The following PHYHIPL variants were observed in gnomAD, a reference collection of about 807,000 sequenced individuals.
PHYHIPL encodes phytanoyl-CoA 2-hydroxylase interacting protein like.
PHYHIPL carries 9 observed loss-of-function variants against 33.4 expected under a neutral mutation model. The observed-to-expected ratio is 0.27, with a 90% CI of 0.16 to 0.47. The LOEUF (loss-of-function observed/expected upper bound fraction) is 0.47, where lower values mean the gene tolerates loss of function less well. Among genes scored for constraint, PHYHIPL ranks in the 20% least tolerant of loss-of-function variants. PHYHIPL has a pLI of 0.99. For synonymous variants in PHYHIPL, 153 were observed against 154.1 expected, an observed-to-expected ratio of 0.99 and a Z score of 0.05; for missense variants, 365 against 460.7, an observed-to-expected ratio of 0.79 and a Z score of 1.90.
intron 2 of PHYHIPL, 105 bp from the exon 3 acceptor site, chr10:59,236,378 T>C (rs776439933): frequency 7.2e-6 from 4 of 552,718 alleles, no homozygotes; most frequent in Non-Finnish European, 1.2e-5. Flanking sequence ...TCCCTCCTTC[T>C]CCCTTCCCTC....
intron 1 of PHYHIPL, among the ~76,000 whole-genome samples, chr10:59,185,242 G>A (rs1253815188): frequency 7.9e-5 from 12 of 151,942 alleles, no homozygotes; most frequent in African/African-American, 2.2e-4. Flanking sequence ...CGCCCGCCTC[G>A]GCCTCCCAAA....
chr10:59,235,083 T>C (rs1210154377), intron 2 of PHYHIPL, among the ~76,000 whole-genome samples: 3 of 151,798 alleles, frequency 2.0e-5, no homozygotes, highest in African/African-American at 7.2e-5. Context: ...TTTCTATAAC[T>C]GCCAAACAAG....
chr10:59,230,014 C>T (rs1305455660), intron 1 of PHYHIPL, among the ~76,000 whole-genome samples: 1 of 152,036 alleles, frequency 6.6e-6, no homozygotes, highest in Non-Finnish European at 1.5e-5. Context: ...TTCATAAATT[C>T]ACCACAACAA....
chr10:59,207,044 T>C (rs1200823086), intron 1 of PHYHIPL, among the ~76,000 whole-genome samples: 1 of 152,200 alleles, frequency 6.6e-6, no homozygotes, highest in African/African-American at 2.4e-5. Flanking sequence ...TAAAGCAGAA[T>C]CTTAAGTAAG....
At chr10:59,211,043 C>T (rs1172828467) in intron 1 of PHYHIPL, among the ~76,000 whole-genome samples, 1 of 151,542 alleles carries the variant, frequency 6.6e-6, no homozygotes, top group East Asian at 1.9e-4. Context: ...ACATGTATCT[C>T]AGAACTTAAA....
In PHYHIPL at chr10:59,234,500, G is replaced by A; in HGVS notation, c.303G>A (p.Lys101=). 1.3e-6 allele frequency: 2 copies of A among 1,525,832 alleles called. No homozygotes were observed. The highest frequency in any genetic ancestry group is 2.5e-5 in the East Asian group (1 of 40,672). The allele number at this position is 1,525,832 out of a possible 1,614,324, so 94.5% of individuals were successfully genotyped here. A position where few individuals can be genotyped will look rare whatever the true frequency, so the allele number is the denominator to read the frequency against. The change falls in exon 2 of 5, where the codon AAG becomes AAA. Residue 101 remains lysine, a splice_region_variant and synonymous_variant. Coordinates refer to ENST00000373880, the MANE Select transcript of PHYHIPL (RefSeq NM_032439.4). ...ENKNSNKFKH[K]DVPTKLVAKA... Reference sequence around the variant, plus strand: ...AGAACTCCAATAAATTTAAACACAAGGTAAAATCTAACAAATACTCATGCT... The same window carrying A: ...AGAACTCCAATAAATTTAAACACAAAGTAAAATCTAACAAATACTCATGCT...
Position 59,234,354 on chromosome 10 carries a change from C to T in PHYHIPL, c.157C>T (p.Pro53Ser). Residue 53 changes from proline (P) to serine (S), a missense_variant, in exon 2 of 5, where the codon CCA becomes TCA. By Grantham distance (74) the Pro-to-Ser change is moderately conservative (BLOSUM62 -1). This residue lies in a region of PHYHIPL where 89 missense variants were observed against 78.3 expected (regional missense o/e 1.14). Transcript: ENST00000373880. ...AGCAGAGATGGAAGAACTTCCTGTA[C>T]CACATAACATCAAAATAAGCAATAT... ...GIAEMEELPVPHNIKISNITC... is the reference protein window; with the variant it reads ...GIAEMEELPVSHNIKISNITC... 6.3e-7 allele frequency: 1 copy of T among 1,597,482 alleles called. No homozygotes were observed. The highest frequency in any genetic ancestry group is 8.5e-7 in the Non-Finnish European group (1 of 1,174,512).
intron 1 of PHYHIPL, among the ~76,000 whole-genome samples, chr10:59,223,160 G>A (rs970932489): frequency 6.6e-6 from 1 of 152,192 alleles, no homozygotes; most frequent in Non-Finnish European, 1.5e-5. Flanking sequence ...TGTGATAAAT[G>A]TTCAGAGGTT....
intron 1 of PHYHIPL, chr10:59,177,483 T>C: frequency 6.5e-7 from 1 of 1,548,188 alleles, no homozygotes; most frequent in Non-Finnish European, 8.7e-7. Flanking sequence ...AGGATGACAG[T>C]TTTTCAGTGA....
chr10:59,236,680 T>C (rs1256209488), intron 3 of PHYHIPL, 23 bp downstream of exon 3: 6 of 1,538,566 alleles, frequency 3.9e-6, no homozygotes, highest in Non-Finnish European at 5.3e-6. Flanking sequence ...GGTACAAATA[T>C]AGAAAAGCTT....
chr10:59,244,550 G>A (rs1311667881), intron 4 of PHYHIPL, among the ~76,000 whole-genome samples: 1 of 59,390 alleles, frequency 1.7e-5, no homozygotes, highest in Non-Finnish European at 3.5e-5. Context: ...GCAACAGAGT[G>A]AGACTCTGTC....
intron 1 of PHYHIPL, among the ~76,000 whole-genome samples, chr10:59,185,527 G>A (rs1838568356): frequency 6.6e-6 from 1 of 152,154 alleles, no homozygotes; most frequent in African/African-American, 2.4e-5. Flanking sequence ...CTAGATCCCT[G>A]AGGAATCGCC....
intron 1 of PHYHIPL, among the ~76,000 whole-genome samples, chr10:59,193,479 T>G (rs1388603456): frequency 6.6e-6 from 1 of 152,174 alleles, no homozygotes; most frequent in African/African-American, 2.4e-5. Context: ...AAAGAAAAAT[T>G]AAAATCTTCA....
intron 1 of PHYHIPL, among the ~76,000 whole-genome samples, chr10:59,186,734 G>C (rs898918612): frequency 6.6e-6 from 1 of 152,138 alleles, no homozygotes; most frequent in Admixed American, 6.5e-5. Context: ...AGTTGTGAAT[G>C]GGAGTTCACT....
At chr10:59,178,432 AT>A (rs1022117453) in intron 1 of PHYHIPL, among the ~76,000 whole-genome samples, 4 of 152,140 alleles carry the variant, frequency 2.6e-5, no homozygotes, top group African/African-American at 9.7e-5. Flanking sequence ...TGTAAAGATT[AT>A]TTTTAATAAC....
intron 1 of PHYHIPL, among the ~76,000 whole-genome samples, chr10:59,203,527 T>C (rs370393876): frequency 6.6e-6 from 1 of 152,124 alleles, no homozygotes; most frequent in African/African-American, 2.4e-5. Context: ...CAAATGTCCA[T>C]CAATGATAGA....
intron 1 of PHYHIPL, among the ~76,000 whole-genome samples, chr10:59,194,899 G>A (rs958774050): frequency 6.6e-6 from 1 of 152,006 alleles, no homozygotes; most frequent in Non-Finnish European, 1.5e-5. Context: ...TGAATTTCTG[G>A]CATTTACCTG....
upstream of PHYHIPL, among the ~76,000 whole-genome samples, chr10:59,175,733 C>T (rs1243816782): frequency 2.0e-5 from 3 of 152,218 alleles, no homozygotes; most frequent in African/African-American, 7.2e-5. Context: ...CTTGAGGAAG[C>T]ACAAGTCAAT....
chr10:59,186,878 T>A (rs916653180), intron 1 of PHYHIPL, among the ~76,000 whole-genome samples: 1 of 152,072 alleles, frequency 6.6e-6, no homozygotes, highest in Non-Finnish European at 1.5e-5. Flanking sequence ...GACAATGGGG[T>A]TTTCTAGATA....
Sources: allele counts gnomAD v4.1 joint callset (sites outside exome capture counted in the v4.1 genomes callset), GRCh38; gene constraint gnomAD v4.1.1; regional missense constraint gnomAD v4.1.1; transcripts MANE v1.5; gene names NCBI Gene and HGNC (gene_info 2026-07-23, HGNC 2026-07-21).